PGBD2: variants seen among roughly 807,000 people sequenced by gnomAD.
PGBD2 encodes the protein piggyBac transposable element derived 2, also known as piggyBac transposable element-derived protein 2.
Under a neutral mutation model 8.1 loss-of-function variants are expected in PGBD2, and 6 were observed. The ratio of observed to expected loss-of-function variants is 0.74; its 90% CI spans 0.40 to 1.46. The LOEUF (loss-of-function observed/expected upper bound fraction) is 1.46. Among genes scored for constraint, PGBD2 ranks in the 40% most tolerant of loss-of-function variants. The pLI is 0.02. For missense variants in PGBD2, 802 were observed against 739.0 expected, an observed-to-expected ratio of 1.09 and a Z score of -0.99; for synonymous variants, 318 against 272.2, an observed-to-expected ratio of 1.17 and a Z score of -1.66.
chr1:248,911,205 G>C (rs1661858614), intron 1 of PGBD2, among the ~76,000 whole-genome samples: 1 of 151,610 alleles, frequency 6.6e-6, no homozygotes, highest in Non-Finnish European at 1.5e-5. Flanking sequence ...GTGGAGGGAA[G>C]GTCAGCAGAT....
chr1:248,908,548 T>C (rs1403188385), intron 1 of PGBD2, among the ~76,000 whole-genome samples: 1 of 152,174 alleles, frequency 6.6e-6, no homozygotes, highest in Non-Finnish European at 1.5e-5. Context: ...TTTCTCTCCA[T>C]AGGCCCCACC....
At chr1:248,880,316 A>G in the PGBD2 span, among the ~76,000 whole-genome samples, 1 of 152,336 alleles carries the variant, frequency 6.6e-6, no homozygotes, top group South Asian at 2.1e-4. Context: ...TATCCAGTGA[A>G]GAAAAGGCAT....
chr1:248,924,046 A>T (rs1475042586), downstream of PGBD2, among the ~76,000 whole-genome samples: 1 of 152,220 alleles, frequency 6.6e-6, no homozygotes, highest in Non-Finnish European at 1.5e-5. Flanking sequence ...AGAAGAGTCC[A>T]CCCAGCTGGG....
In PGBD2 at chr1:248,906,314, C is replaced by G. The variant is rs1191889074; in HGVS notation, c.-76C>G. On this transcript the variant is annotated 5_prime_UTR_variant, in exon 1 of 3. Coordinates refer to ENST00000329291, the MANE Select transcript of PGBD2 (RefSeq NM_170725.3). Reference sequence around the variant, plus strand: ...GGCGCGGCTCATGGTCCGGTTCGGGCTCGCGAGTCTCCGTCTGGGGTAGGG... The same window carrying G: ...GGCGCGGCTCATGGTCCGGTTCGGGGTCGCGAGTCTCCGTCTGGGGTAGGG... 1 of 152,010 alleles carries G rather than the reference C, an allele frequency of 6.6e-6. No homozygotes were observed. The highest frequency in any genetic ancestry group is 6.5e-5 in the Admixed American group (1 of 15,276). The allele number at this position is 152,010 out of a possible 1,614,324, so 9.4% of individuals were successfully genotyped here.
chr1:248,909,177 G>T (rs1661773539), intron 1 of PGBD2, among the ~76,000 whole-genome samples: 1 of 152,074 alleles, frequency 6.6e-6, no homozygotes, highest in Non-Finnish European at 1.5e-5. Flanking sequence ...TTCCTCTGTT[G>T]GTTGTCTCAG....
chr1:248,877,848 G>A, the PGBD2 span, among the ~76,000 whole-genome samples: 1 of 152,274 alleles, frequency 6.6e-6, no homozygotes, highest in Non-Finnish European at 1.5e-5. Flanking sequence ...TCTGCTGATG[G>A]CTAGAAGTGA....
At chr1:248,899,066 T>A in the PGBD2 span, among the ~76,000 whole-genome samples, 8,639 of 152,234 alleles carry the variant, frequency 0.057, 350 homozygotes, top group Non-Finnish European at 0.081. Flanking sequence ...ATCCTAAATA[T>A]ATATGCACCC....
rs543467863 is a variant in PGBD2, at chr1:248,917,331, C to T, written c.747C>T (p.Ile249=). 6.8e-6 allele frequency: 11 copies of T among 1,614,090 alleles called. No individual in the cohort carries two copies. Residue 249 remains isoleucine, a synonymous_variant, in exon 3 of 3, where the codon ATC becomes ATT. Transcript: ENST00000329291. ...GGTTTGCCAAGGTCAGACCTCTCAT[C>T]ATCCGGATGAACTGCAATTTCCAGA... is the stretch of plus-strand genomic sequence containing the variant. ...SDRFAKVRPL[I]IRMNCNFQKH... is the part of the protein sequence containing the mutation.
chr1:248,883,584 CTTTTTT>C, the PGBD2 span, among the ~76,000 whole-genome samples: 39 of 89,140 alleles, frequency 4.4e-4, no homozygotes, highest in African/African-American at 1.8e-3. Flanking sequence ...TTTTTTTTTT[CTTTTTT>C]TTTTTTTTTT....
the PGBD2 span, among the ~76,000 whole-genome samples, chr1:248,929,967 C>G: frequency 5.9e-5 from 9 of 152,270 alleles, no homozygotes; most frequent in East Asian, 1.2e-3. Context: ...AGAGTGAAGA[C>G]CAGAGTTTCG....
the PGBD2 span, among the ~76,000 whole-genome samples, chr1:248,892,071 C>T: frequency 2.5e-4 from 38 of 152,152 alleles, no homozygotes; most frequent in African/African-American, 8.9e-4. Flanking sequence ...GACAGGCCTG[C>T]CTGGGAAGCA....
chr1:248,923,517 G>T (rs555909901), downstream of PGBD2, among the ~76,000 whole-genome samples: 1 of 152,116 alleles, frequency 6.6e-6, no homozygotes, highest in Non-Finnish European at 1.5e-5. Flanking sequence ...TGGAAATGTT[G>T]GGACTGAGGT....
intron 1 of PGBD2, among the ~76,000 whole-genome samples, chr1:248,908,032 T>C (rs1661723443): frequency 1.3e-5 from 2 of 152,180 alleles, no homozygotes; most frequent in African/African-American, 4.8e-5. Flanking sequence ...CCATGTACGG[T>C]TCGTCTGGAT....
At position 248,916,776 on chromosome 1, in the gene PGBD2, C is replaced by T. The variant is rs766244742; in HGVS notation, c.192C>T (p.Ser64=). 2 of 1,614,046 alleles carry T rather than the reference C, an allele frequency of 1.2e-6. No homozygotes were observed. Among genetic ancestry groups the T allele is most frequent in the Admixed American group, 3.3e-5 (2 of 59,996 alleles). Reference sequence around the variant, plus strand: ...ATGAGGACTCAGGGGATGAAGACAGCCAGCGAGGTGCTCACCTACCTGGCA... The same window carrying T: ...ATGAGGACTCAGGGGATGAAGACAGTCAGCGAGGTGCTCACCTACCTGGCA... ...FTDEDSGDED[S]QRGAHLPGSV... is the part of the protein sequence containing the mutation. The change falls in exon 3 of 3, where the codon AGC becomes AGT. Residue 64 remains serine (S), a synonymous_variant. Coordinates refer to ENST00000329291, the MANE Select transcript of PGBD2 (RefSeq NM_170725.3).
the PGBD2 span, among the ~76,000 whole-genome samples, chr1:248,875,932 T>C: frequency 6.6e-6 from 1 of 152,206 alleles, no homozygotes; most frequent in East Asian, 1.9e-4. Flanking sequence ...TAAAATGGGC[T>C]GTTTGTCACA....
At chr1:248,890,092 T>A in the PGBD2 span, among the ~76,000 whole-genome samples, 6 of 151,984 alleles carry the variant, frequency 3.9e-5, no homozygotes, top group Non-Finnish European at 5.9e-5. Flanking sequence ...CACGCCCAGC[T>A]AATTTTGTAT....
intron 2 of PGBD2, among the ~76,000 whole-genome samples, chr1:248,916,289 C>T (rs1662095549): frequency 6.6e-6 from 1 of 152,090 alleles, no homozygotes; most frequent in South Asian, 2.1e-4. Context: ...TGGCACGCAC[C>T]TGTAGTCCCA....
chr1:248,876,128 C>G, the PGBD2 span, among the ~76,000 whole-genome samples: 1 of 151,954 alleles, frequency 6.6e-6, no homozygotes, highest in East Asian at 1.9e-4. Context: ...CCTGCCTCAG[C>G]CTCCCGAGTA....
chr1:248,920,844 T>C (rs1662270012), downstream of PGBD2, among the ~76,000 whole-genome samples: 2 of 152,232 alleles, frequency 1.3e-5, no homozygotes, highest in Non-Finnish European at 1.5e-5. Context: ...TTCTAACTGG[T>C]GTGAGATGGT....
Sources: allele counts gnomAD v4.1 joint callset (sites outside exome capture counted in the v4.1 genomes callset), GRCh38; gene constraint gnomAD v4.1.1; transcripts MANE v1.5; gene names NCBI Gene and HGNC (gene_info 2026-07-23, HGNC 2026-07-21).